The following ROCK2 variants were observed in gnomAD, a reference collection of about 807,000 sequenced individuals.
The protein encoded by ROCK2 is Rho associated coiled-coil containing protein kinase 2.
ROCK2 carries 61 observed loss-of-function variants against 195.1 expected under a neutral mutation model. That is an observed-to-expected ratio of 0.31 (90% confidence interval 0.25 to 0.39). The LOEUF is 0.39. Ranked by LOEUF, ROCK2 falls within the 10% of genes least tolerant of loss-of-function variation. ROCK2 has a pLI of 1.00. For missense variants in ROCK2, 1,109 were observed against 1,637.4 expected (o/e 0.68, Z 5.57); for synonymous variants, 504 against 545.5 (o/e 0.92, Z 1.06).
intron 1 of ROCK2, among the ~76,000 whole-genome samples, chr2:11,295,092 A>G (rs1375138268): frequency 6.6e-6 from 1 of 151,318 alleles, no homozygotes; most frequent in Non-Finnish European, 1.5e-5. Flanking sequence ...CCCAGCCTGC[A>G]TTACTAGATT....
At chr2:11,296,975 T>C (rs1305724551) in intron 1 of ROCK2, among the ~76,000 whole-genome samples, 4 of 152,146 alleles carry the variant, frequency 2.6e-5, no homozygotes, top group Admixed American at 2.6e-4. Context: ...CAGCTTAACA[T>C]TTTATTTAAG....
intron 1 of ROCK2, among the ~76,000 whole-genome samples, chr2:11,301,513 AT>A (rs2148216816): frequency 6.6e-6 from 1 of 152,222 alleles, no homozygotes; most frequent in African/African-American, 2.4e-5. Context: ...GCGGTGGCTC[AT>A]GGCTGTAATC....
chr2:11,275,695 C>CTTTTT (rs70953379), intron 3 of ROCK2, among the ~76,000 whole-genome samples: 5 of 110,206 alleles, frequency 4.5e-5, no homozygotes, highest in Non-Finnish European at 7.2e-5. Context: ...ATTCAACAAT[C>CTTTTT]TTTTTTTTTT....
intron 1 of ROCK2, among the ~76,000 whole-genome samples, chr2:11,335,536 TAAGTA>T (rs1346140234): frequency 6.6e-6 from 1 of 152,204 alleles, no homozygotes; most frequent in African/African-American, 2.4e-5. Context: ...ATTAGAGTTT[TAAGTA>T]TAGTTGTATA....
chr2:11,292,968 G>GT (rs905713984), intron 1 of ROCK2, among the ~76,000 whole-genome samples: 1 of 152,124 alleles, frequency 6.6e-6, no homozygotes, highest in Non-Finnish European at 1.5e-5. Flanking sequence ...TCCCAGCCAT[G>GT]TAAGATATGC....
chr2:11,236,286 C>G (rs1425049788), intron 4 of ROCK2, among the ~76,000 whole-genome samples: 1 of 151,828 alleles, frequency 6.6e-6, no homozygotes, highest in Non-Finnish European at 1.5e-5. Flanking sequence ...GAAAGAATGA[C>G]AGAAGAATTC....
intron 3 of ROCK2, among the ~76,000 whole-genome samples, chr2:11,271,827 A>G (rs1157429741): frequency 6.6e-6 from 1 of 152,014 alleles, no homozygotes; most frequent in Non-Finnish European, 1.5e-5. Context: ...GGAGATCGAG[A>G]CCATCCTGGC....
Position 11,255,008 on chromosome 2 carries a change from G to A in ROCK2, c.325-5210C>T, listed in dbSNP as rs527547642. On this transcript the variant is annotated intron_variant, in intron 3 of 32. Transcript: ENST00000315872. ...TGAGGCGGGCAGATCATGAGGTCAGGAGATTGAGACCATCCTGGCTAACAC... is the reference window on the plus strand; with the variant it reads ...TGAGGCGGGCAGATCATGAGGTCAGAAGATTGAGACCATCCTGGCTAACAC... 2.6e-5 allele frequency among the ~76,000 whole-genome samples: 4 copies of A among 152,004 alleles called. No individual in the cohort carries two copies. The South Asian group carries it at 8.3e-4, about 31-fold the overall frequency.
In ROCK2 at chr2:11,200,992, G is replaced by C; in HGVS notation, c.2875C>G (p.Gln959Glu). ...EIKEMMARHKQELTEKDATIA... is the reference protein window; with the variant it reads ...EIKEMMARHKEELTEKDATIA... ...GTAGCATCTTTTTCCGTAAGTTCCT[G>C]TTTGTGTCTAGCCATCATCTCTTTG... The change falls in exon 23 of 33, where the codon CAG (glutamine) becomes GAG (glutamate). Residue 959 changes from glutamine to glutamate, a missense_variant. Physicochemically the swap from Gln to Glu is conservative, Grantham distance 29. This residue lies in a region of ROCK2 where 542 missense variants were observed against 672.0 expected (regional missense o/e 0.81). Transcript: ENST00000315872. 1.2e-6 allele frequency: 2 copies of C among 1,604,454 alleles called. No individual in the cohort carries two copies. Among genetic ancestry groups the C allele is most frequent in the Non-Finnish European group, 1.7e-6 (2 of 1,177,506 alleles).
At chr2:11,316,532 A>T (rs1358980949) in intron 1 of ROCK2, among the ~76,000 whole-genome samples, 3 of 152,190 alleles carry the variant, frequency 2.0e-5, no homozygotes, top group Non-Finnish European at 2.9e-5. Context: ...TACATAAACA[A>T]AGACTTAATT....
intron 3 of ROCK2, among the ~76,000 whole-genome samples, chr2:11,285,884 A>T (rs1384129395): frequency 6.6e-6 from 1 of 152,094 alleles, no homozygotes; most frequent in East Asian, 1.9e-4. Context: ...AGGAAAAAAA[A>T]GTCTATCATG....
intron 3 of ROCK2, among the ~76,000 whole-genome samples, chr2:11,280,308 A>G (rs1666954691): frequency 6.6e-6 from 1 of 152,050 alleles, no homozygotes; most frequent in African/African-American, 2.4e-5. Context: ...GAAAACCACT[A>G]AGGATTCCAC....
chr2:11,197,104 C>A lies in ROCK2; in HGVS notation c.3448+76G>T. ...AATTACAAACATTTTTCCTTCAGAG[C>A]AGTCAGTCGCAAGACTTAAAACAAT... is the stretch of plus-strand genomic sequence containing the variant. On this transcript the variant is annotated intron_variant, in intron 27 of 32. Transcript: ENST00000315872. This position sits in a 1 kb window ranked among gnomAD's most constrained non-coding sequence, Gnocchi z 4.9. 1 of 960,418 alleles carries A rather than the reference C, an allele frequency of 1.0e-6. No homozygotes were observed. Among genetic ancestry groups the A allele is most frequent in the African/African-American group, 1.7e-5 (1 of 58,742 alleles). 59.5% of individuals were successfully genotyped at this position (960,418 alleles called of 1,614,324 possible).
chr2:11,239,006 G>C (rs147714262), intron 4 of ROCK2, among the ~76,000 whole-genome samples: 22 of 151,884 alleles, frequency 1.4e-4, no homozygotes, highest in African/African-American at 5.1e-4. Flanking sequence ...TTGAACAACT[G>C]GATAGCTACA....
At chr2:11,190,204 A>C (rs1663364396) in intron 32 of ROCK2, among the ~76,000 whole-genome samples, 2 of 152,160 alleles carry the variant, frequency 1.3e-5, no homozygotes, top group African/African-American at 4.8e-5. Flanking sequence ...GAATTTTTTC[A>C]CAAAATATAC....
At chr2:11,203,264 T>G (rs184309145) in intron 20 of ROCK2, among the ~76,000 whole-genome samples, 1 of 152,094 alleles carries the variant, frequency 6.6e-6, no homozygotes, top group Non-Finnish European at 1.5e-5. Flanking sequence ...ATAAAGCAAG[T>G]TGGAGAACAA....
intron 1 of ROCK2, among the ~76,000 whole-genome samples, chr2:11,304,997 G>A (rs1402050050): frequency 6.6e-6 from 1 of 152,060 alleles, no homozygotes; most frequent in African/African-American, 2.4e-5. Context: ...ATATGGGGGA[G>A]GAGGGTTGGG....
At chr2:11,220,000 C>G (rs761011858) in intron 9 of ROCK2, among the ~76,000 whole-genome samples, 1 of 151,812 alleles carries the variant, frequency 6.6e-6, no homozygotes, top group Non-Finnish European at 1.5e-5. Context: ...CGCAAACCAC[C>G]ACATCTGGCT....
chr2:11,267,001 TCTTTC>T (rs1256604104), intron 3 of ROCK2, among the ~76,000 whole-genome samples: 1 of 152,232 alleles, frequency 6.6e-6, no homozygotes, highest in African/African-American at 2.4e-5. Context: ...CTTTTTCTTC[TCTTTC>T]CTTTAACAGA....
Sources: allele counts gnomAD v4.1 joint callset (sites outside exome capture counted in the v4.1 genomes callset), GRCh38; gene constraint gnomAD v4.1.1; regional missense constraint gnomAD v4.1.1; non-coding constraint Gnocchi (gnomAD v3.1); transcripts MANE v1.5; gene names NCBI Gene and HGNC (gene_info 2026-07-23, HGNC 2026-07-21).